The following SUFU variants were observed in gnomAD, a reference collection of about 807,000 sequenced individuals.
SUFU encodes SUFU negative regulator of hedgehog signaling, also known as suppressor of fused homolog.
Under a neutral mutation model 58.9 loss-of-function variants are expected in SUFU, and 7 were observed. That is an observed-to-expected ratio of 0.12 (90% confidence interval 0.07 to 0.22). The LOEUF (loss-of-function observed/expected upper bound fraction) is 0.22. Ranked by LOEUF, SUFU falls within the 10% of genes least tolerant of loss-of-function variation. The pLI, the probability that SUFU is intolerant of heterozygous loss-of-function variation, is 1.00. For synonymous variants in SUFU, 232 were observed against 254.8 expected, an observed-to-expected ratio of 0.91 and a Z score of 0.85; for missense variants, 451 against 641.3, an observed-to-expected ratio of 0.70 and a Z score of 3.20.
intron 8 of SUFU, among the ~76,000 whole-genome samples, chr10:102,612,514 C>T (rs2063637304): frequency 6.6e-6 from 1 of 152,124 alleles, no homozygotes; most frequent in South Asian, 2.1e-4. Context: ...TGACTTTCAA[C>T]AATTTATTTT....
At chr10:102,517,910 T>C (rs1678818634) in intron 2 of SUFU, among the ~76,000 whole-genome samples, 1 of 152,124 alleles carries the variant, frequency 6.6e-6, no homozygotes, top group Non-Finnish European at 1.5e-5. Context: ...TGTGTTTGAG[T>C]GTGGAGACAA....
At chr10:102,517,388 C>T (rs748868023) in intron 2 of SUFU, among the ~76,000 whole-genome samples, 6 of 152,142 alleles carry the variant, frequency 3.9e-5, no homozygotes, top group Non-Finnish European at 7.3e-5. Context: ...TAGGTCAGCG[C>T]TGGGAAAGTT....
At chr10:102,591,897 G>C (rs2063406686) in intron 3 of SUFU, among the ~76,000 whole-genome samples, 1 of 152,210 alleles carries the variant, frequency 6.6e-6, no homozygotes, top group Non-Finnish European at 1.5e-5. Flanking sequence ...CTGTGTGTGA[G>C]GAGGCTATGC....
At position 102,629,875 on chromosome 10, in the gene SUFU, G is replaced by T. The variant is rs1313064685; in HGVS notation, c.1366-191G>T. ...TCATTATTGACAGGCCGTGGGGAAA[G>T]AAGGGGTCACCAACTCCAGCCGTTT... On this transcript the variant is annotated intron_variant, in intron 11 of 11. Transcript: ENST00000369902. The surrounding 1 kb of genome is among the most constrained non-coding windows in gnomAD (Gnocchi z 4.7). Among the ~76,000 whole-genome samples, 2 of 152,228 alleles carry T rather than the reference G, an allele frequency of 1.3e-5. No homozygotes were observed. Among genetic ancestry groups the T allele is most frequent in the Non-Finnish European group, 2.9e-5 (2 of 68,036 alleles).
chr10:102,530,943 A>G (rs775367337), intron 2 of SUFU, among the ~76,000 whole-genome samples: 4 of 151,768 alleles, frequency 2.6e-5, no homozygotes, highest in Non-Finnish European at 5.9e-5. Context: ...TATCAAGAAA[A>G]TTGTAGTTTC....
At chr10:102,540,855 C>G (rs190859354) in intron 2 of SUFU, among the ~76,000 whole-genome samples, 2 of 151,834 alleles carry the variant, frequency 1.3e-5, no homozygotes, top group Admixed American at 1.3e-4. Context: ...AACCCTGTCT[C>G]TACTAAAAAT....
intron 2 of SUFU, among the ~76,000 whole-genome samples, chr10:102,509,836 G>A (rs1041466090): frequency 4.6e-5 from 7 of 151,644 alleles, no homozygotes; most frequent in Non-Finnish European, 1.0e-4. Context: ...TCCGTTTGTT[G>A]CCCTATATGC....
intron 3 of SUFU, among the ~76,000 whole-genome samples, chr10:102,575,578 G>A (rs1356620943): frequency 6.6e-6 from 1 of 152,100 alleles, no homozygotes; most frequent in Non-Finnish European, 1.5e-5. Context: ...CTATATATGA[G>A]GGCAGGGCCC....
intron 3 of SUFU, among the ~76,000 whole-genome samples, chr10:102,577,602 G>A (rs1590047230): frequency 6.6e-6 from 1 of 152,128 alleles, no homozygotes; most frequent in East Asian, 1.9e-4. Flanking sequence ...GCCTCCCAAA[G>A]TGCTAGGATT....
At chr10:102,512,876 G>C (rs373263930) in intron 2 of SUFU, among the ~76,000 whole-genome samples, 3 of 152,108 alleles carry the variant, frequency 2.0e-5, no homozygotes, top group African/African-American at 7.2e-5. Context: ...CCAGCCTGGG[G>C]AACATAGTGA....
rs1726582631 is a variant in SUFU at position 102,617,158 on chromosome 10, G to A, written c.1158-132G>A. 1.8e-6 allele frequency: 2 copies of A among 1,115,018 alleles called. No individual in the cohort carries two copies. Among genetic ancestry groups the A allele is most frequent in the South Asian group, 2.6e-5 (2 of 78,154 alleles). The allele number at this position is 1,115,018 out of a possible 1,614,324, so 69.1% of individuals were successfully genotyped here. On this transcript the variant is annotated intron_variant, in intron 9 of 11. Transcript: ENST00000369902. The surrounding 1 kb of genome is among the most constrained non-coding windows in gnomAD (Gnocchi z 4.4). ...TACAGTCCCCTGTTGATGGGCAGGT[G>A]GGCAGCCAGGAGGGCATGTTACCTG...
At chr10:102,564,380 T>C (rs1425470295) in intron 3 of SUFU, among the ~76,000 whole-genome samples, 1 of 152,204 alleles carries the variant, frequency 6.6e-6, no homozygotes, top group Admixed American at 6.5e-5. Context: ...TCACCCAAGC[T>C]GGAGTGCAGT....
Position 102,630,261 on chromosome 10 carries a change from T to A in SUFU, c.*106T>A, listed in dbSNP as rs1238921458. The A allele has an allele frequency of 1.9e-6, 2 of 1,027,436 alleles. No homozygotes were observed. Among genetic ancestry groups the A allele is most frequent in the African/African-American group, 3.2e-5 (2 of 63,306 alleles). 63.6% of individuals were successfully genotyped at this position (1,027,436 alleles called of 1,614,324 possible). A position where few individuals can be genotyped will look rare whatever the true frequency, so the allele number is the denominator to read the frequency against. On this transcript the variant is annotated 3_prime_UTR_variant, in exon 12 of 12. Coordinates refer to ENST00000369902, the MANE Select transcript of SUFU (RefSeq NM_016169.4). ...ATCTCCACAAATAAAAGGACAAGTG[T>A]GAGGAAGACTGCGCAGTGCCACCCC...
intron 3 of SUFU, among the ~76,000 whole-genome samples, chr10:102,568,386 T>C (rs889804904): frequency 1.3e-5 from 2 of 152,230 alleles, no homozygotes; most frequent in African/African-American, 4.8e-5. Context: ...AATAAGCCTA[T>C]GTTACTTTGT....
At chr10:102,508,488 G>A (rs1471255342) in intron 1 of SUFU, among the ~76,000 whole-genome samples, 1 of 152,152 alleles carries the variant, frequency 6.6e-6, no homozygotes, top group Admixed American at 6.5e-5. Flanking sequence ...TCTGGGTGCA[G>A]ATGCTCACAG....
intron 3 of SUFU, among the ~76,000 whole-genome samples, chr10:102,552,446 C>CA (rs1473908759): frequency 6.6e-6 from 1 of 151,836 alleles, no homozygotes; most frequent in Non-Finnish European, 1.5e-5. Context: ...AAAAAATACA[C>CA]ACACACACAC....
In SUFU at chr10:102,557,905, AT is replaced by A. The variant is rs757378999; in HGVS notation, c.454+7812del. ...TCGGTGTTTTGTTTGTTTTTTACTGATTTTTTTTTTTTTGAGACGGAGTCTT... is the reference window on the plus strand; with the variant it reads ...TCGGTGTTTTGTTTGTTTTTTACTGATTTTTTTTTTTTGAGACGGAGTCTT... On this transcript the variant is annotated intron_variant, in intron 3 of 11. Coordinates refer to ENST00000369902, the MANE Select transcript of SUFU (RefSeq NM_016169.4). 3.8e-3 allele frequency among the ~76,000 whole-genome samples: 547 copies of A among 143,070 alleles called. 1 individual carries two copies. The highest frequency in any genetic ancestry group is 3.8e-3 in the Non-Finnish European group (244 of 64,892). The allele number at this position is 143,070 out of a possible 152,430, so 93.9% of individuals were successfully genotyped here. A position where few individuals can be genotyped will look rare whatever the true frequency, so the allele number is the denominator to read the frequency against.
At chr10:102,593,872 C>T (rs2063432234) in intron 5 of SUFU, 121 bp from the exon 6 acceptor site, 4 of 1,403,374 alleles carry the variant, frequency 2.9e-6, no homozygotes, top group African/African-American at 2.8e-5. Flanking sequence ...CCCTGACAGT[C>T]CCTGACCACG....
At chr10:102,548,888 C>G (rs998430877) in intron 2 of SUFU, among the ~76,000 whole-genome samples, 3 of 152,202 alleles carry the variant, frequency 2.0e-5, no homozygotes, top group Non-Finnish European at 4.4e-5. Flanking sequence ...AGCAGTCATC[C>G]TCATTATTCT....
Sources: gnomAD v4.1 joint callset for allele counts (sites outside exome capture counted in the v4.1 genomes callset) on GRCh38, gnomAD v4.1.1 for gene constraint, Gnocchi (gnomAD v3.1) non-coding constraint, MANE v1.5 for transcripts, NCBI Gene and HGNC (gene_info 2026-07-23, HGNC 2026-07-21) for gene names.